ZBTB7C: variants seen among roughly 807,000 people sequenced by gnomAD.
The protein encoded by ZBTB7C is zinc finger and BTB domain containing 7C, also known as zinc finger and BTB domain-containing protein 7C.
ZBTB7C carries 8 observed loss-of-function variants against 25.7 expected under a neutral mutation model. That is an observed-to-expected ratio of 0.31 (90% CI 0.18 to 0.56). The LOEUF (loss-of-function observed/expected upper bound fraction) is 0.56. Ranked by LOEUF, ZBTB7C falls within the 20% of genes least tolerant of loss-of-function variation. The pLI is 0.91. For missense variants in ZBTB7C, 824 were observed against 855.2 expected, an observed-to-expected ratio of 0.96 and a Z score of 0.46; for synonymous variants, 394 against 369.0, an observed-to-expected ratio of 1.07 and a Z score of -0.78.
intron 3 of ZBTB7C, chr18:48,077,033 G>A (rs188337610): frequency 1.1e-4 from 87 of 789,754 alleles, no homozygotes; most frequent in Non-Finnish European, 1.2e-4. Flanking sequence ...GAAGAGAATA[G>A]AAAGAAATGC....
At chr18:48,214,017 C>T (rs753691193) in intron 2 of ZBTB7C, among the ~76,000 whole-genome samples, 5 of 152,190 alleles carry the variant, frequency 3.3e-5, no homozygotes, top group Admixed American at 1.3e-4. Context: ...GAGCGGACAC[C>T]GTGTGCAGGC....
intron 2 of ZBTB7C, among the ~76,000 whole-genome samples, chr18:48,201,323 G>A (rs187807546): frequency 6.6e-6 from 1 of 152,310 alleles, no homozygotes; most frequent in East Asian, 1.9e-4. Context: ...CATGAATGCT[G>A]GGAAGCAAAG....
chr18:48,335,288 A>G (rs2046434956), intron 2 of ZBTB7C, among the ~76,000 whole-genome samples: 1 of 152,264 alleles, frequency 6.6e-6, no homozygotes, highest in African/African-American at 2.4e-5. Context: ...AAGAAGAATT[A>G]CTTCTTGAAA....
At chr18:48,238,039 G>T (rs1052498790) in intron 2 of ZBTB7C, among the ~76,000 whole-genome samples, 1 of 151,968 alleles carries the variant, frequency 6.6e-6, no homozygotes, top group Admixed American at 6.6e-5. Context: ...TTCAAAACTA[G>T]GAAAGTCCAA....
intron 1 of ZBTB7C, chr18:48,408,712 G>C (rs923229970): frequency 2.0e-5 from 3 of 152,152 alleles, no homozygotes; most frequent in African/African-American, 7.2e-5. Flanking sequence ...CTTCCAGGCA[G>C]AAGTGCGGTA....
At chr18:48,399,441 T>A (rs949179891) in intron 1 of ZBTB7C, among the ~76,000 whole-genome samples, 1 of 152,242 alleles carries the variant, frequency 6.6e-6, no homozygotes, top group Non-Finnish European at 1.5e-5. Flanking sequence ...GAAATCCTCA[T>A]TTAAAAACAG....
At chr18:48,351,079 A>G (rs987630790) in intron 1 of ZBTB7C, among the ~76,000 whole-genome samples, 2 of 151,994 alleles carry the variant, frequency 1.3e-5, no homozygotes, top group Non-Finnish European at 2.9e-5. Flanking sequence ...GGGCCAAAGG[A>G]CATCTGCATT....
intron 3 of ZBTB7C, among the ~76,000 whole-genome samples, chr18:48,053,628 T>G (rs2036786844): frequency 6.6e-6 from 1 of 152,238 alleles, no homozygotes; most frequent in African/African-American, 2.4e-5. Flanking sequence ...AGCCGAGGCT[T>G]GAACCTAAGC....
At chr18:48,104,960 C>T (rs1314006074) in intron 3 of ZBTB7C, among the ~76,000 whole-genome samples, 2 of 152,228 alleles carry the variant, frequency 1.3e-5, no homozygotes, top group Non-Finnish European at 2.9e-5. Context: ...TAATGCCGCA[C>T]TGACCTCTGC....
At chr18:48,387,281 A>G (rs764954602) in intron 1 of ZBTB7C, among the ~76,000 whole-genome samples, 4 of 152,224 alleles carry the variant, frequency 2.6e-5, no homozygotes, top group Non-Finnish European at 4.4e-5. Context: ...GTAGAAAGGT[A>G]AAGTGTGCCG....
intron 3 of ZBTB7C, among the ~76,000 whole-genome samples, chr18:48,049,883 C>A (rs2036615107): frequency 6.6e-6 from 1 of 151,930 alleles, no homozygotes; most frequent in Non-Finnish European, 1.5e-5. Flanking sequence ...GTTCCATCTG[C>A]CAAATCCCCA....
chr18:48,312,133 G>C (rs1165063749), intron 2 of ZBTB7C, among the ~76,000 whole-genome samples: 2 of 152,206 alleles, frequency 1.3e-5, no homozygotes, highest in African/African-American at 4.8e-5. Flanking sequence ...GAGGTCTCAG[G>C]CAGTGCCCAC....
At chr18:48,155,906 A>C (rs80269297) in intron 3 of ZBTB7C, among the ~76,000 whole-genome samples, 1 of 152,162 alleles carries the variant, frequency 6.6e-6, no homozygotes, top group Non-Finnish European at 1.5e-5. Flanking sequence ...AAATAGAAGA[A>C]TACTCAGCCT....
chr18:48,260,947 G>A (rs2144510857), intron 2 of ZBTB7C, among the ~76,000 whole-genome samples: 1 of 152,232 alleles, frequency 6.6e-6, no homozygotes, highest in South Asian at 2.1e-4. Context: ...CCCCACACCA[G>A]GCTTTAACGG....
intron 3 of ZBTB7C, among the ~76,000 whole-genome samples, chr18:48,060,097 C>A (rs979300668): frequency 1.5e-4 from 23 of 152,026 alleles, no homozygotes; most frequent in Admixed American, 1.5e-3. Context: ...ACCAAAGATA[C>A]AATTATAATG....
At chr18:48,378,099 C>T (rs577049906) in intron 1 of ZBTB7C, among the ~76,000 whole-genome samples, 2 of 152,084 alleles carry the variant, frequency 1.3e-5, no homozygotes, top group Admixed American at 6.5e-5. Flanking sequence ...TGCAGTGAGC[C>T]GAGATCGCAT....
intron 2 of ZBTB7C, among the ~76,000 whole-genome samples, chr18:48,204,386 TG>T (rs1405820601): frequency 9.2e-5 from 14 of 152,178 alleles, no homozygotes; most frequent in African/African-American, 3.4e-4. Flanking sequence ...CTTGGCCTTC[TG>T]GGCTGCTTCT....
intron 1 of ZBTB7C, chr18:48,374,457 C>G (rs988651468): frequency 3.3e-5 from 5 of 152,298 alleles, no homozygotes; most frequent in African/African-American, 1.2e-4. Flanking sequence ...AGGCTCTATG[C>G]CCCTGGGTGA....
At chr18:48,402,830 T>A (rs2048192538) in intron 1 of ZBTB7C, among the ~76,000 whole-genome samples, 1 of 152,242 alleles carries the variant, frequency 6.6e-6, no homozygotes, top group Non-Finnish European at 1.5e-5. Context: ...TTGATTTTAT[T>A]CTTTTCCATA....
Sources: allele counts gnomAD v4.1 joint callset (sites outside exome capture counted in the v4.1 genomes callset), GRCh38; gene constraint gnomAD v4.1.1; transcripts MANE v1.5; gene names NCBI Gene and HGNC (gene_info 2026-07-23, HGNC 2026-07-21).